TESK2: variants seen among roughly 807,000 people sequenced by gnomAD.
TESK2 encodes dual specificity testis-specific protein kinase 2.
A neutral mutation model predicts 57.1 loss-of-function variants in TESK2; 39 were observed. The observed-to-expected ratio is 0.68, with a 90% CI of 0.53 to 0.89. The LOEUF (loss-of-function observed/expected upper bound fraction) is 0.89. TESK2 is among the 40% of genes least tolerant of loss of function. The pLI is 0.00. For missense variants in TESK2, 646 were observed against 732.1 expected (o/e 0.88, Z 1.36); for synonymous variants, 249 against 267.9 (o/e 0.93, Z 0.69).
chr1:45,463,411 T>G (rs766710972), intron 1 of TESK2, among the ~76,000 whole-genome samples: 1 of 152,176 alleles, frequency 6.6e-6, no homozygotes, highest in African/African-American at 2.4e-5. Flanking sequence ...GATTTTTGAT[T>G]AGGTTTTTCT....
chr1:45,456,196 A>AC (rs1652081384), intron 2 of TESK2, among the ~76,000 whole-genome samples: 1 of 149,418 alleles, frequency 6.7e-6, no homozygotes. Flanking sequence ...ACCCTGTCTC[A>AC]AAAAATAAAA....
chr1:45,397,018 C>T (rs957558626), intron 3 of TESK2, among the ~76,000 whole-genome samples: 6 of 151,514 alleles, frequency 4.0e-5, no homozygotes, highest in Admixed American at 2.0e-4. Flanking sequence ...AGCATTTTAC[C>T]ATGTTGGCCA....
chr1:45,410,441 T>TA (rs1649993695), intron 3 of TESK2, among the ~76,000 whole-genome samples: 1 of 151,730 alleles, frequency 6.6e-6, no homozygotes, highest in South Asian at 2.1e-4. Flanking sequence ...CTGTTTCTCC[T>TA]AAAAATACAA....
At chr1:45,436,477 C>A (rs918603853) in intron 2 of TESK2, among the ~76,000 whole-genome samples, 3 of 88,762 alleles carry the variant, frequency 3.4e-5, no homozygotes, top group Non-Finnish European at 6.4e-5. Context: ...CCGTGCCTGG[C>A]CTTTTTTTTT....
chr1:45,407,145 G>A lies in TESK2; in HGVS notation c.344+14580C>T, dbSNP rs79886718. Among the ~76,000 whole-genome samples the A allele has an allele frequency of 3.4e-3, 525 of 152,294 alleles. 7 individuals are homozygous for A. The highest frequency in any genetic ancestry group is 0.031 in the East Asian group (162 of 5,182). On this transcript the variant is annotated intron_variant, in intron 3 of 10. Transcript: ENST00000372086. The stretch of plus-strand genomic sequence containing the variant: ...CTGTCACACAGGCTAGAGTGCAGCG[G>A]TGTGATTACAGCTCACTGAAACCTT...
rs34109075 is a variant in TESK2, at chr1:45,388,717, C to CTTTTT, written c.345-2762_345-2758dup. Among the ~76,000 whole-genome samples the CTTTTT allele has an allele frequency of 3.2e-4, 33 of 102,750 alleles. 3 individuals are homozygous for CTTTTT. Among genetic ancestry groups the CTTTTT allele is most frequent in the African/African-American group, 4.6e-4 (13 of 28,026 alleles). 67.4% of individuals were successfully genotyped at this position (102,750 alleles called of 152,430 possible). On this transcript the variant is annotated intron_variant, in intron 3 of 10. Transcript: ENST00000372086. ...AACGTGGCAGTATTGAGAGGTACGG[C>CTTTTT]TTTTTTTTTTTTTTTTTTTTTGAGA...
chr1:45,346,825 C>T (rs778520840), intron 8 of TESK2, 46 bp from the exon 9 acceptor site: 7 of 1,581,028 alleles, frequency 4.4e-6, no homozygotes, highest in Non-Finnish European at 6.1e-6. Context: ...CATTAATCCC[C>T]CCACCCATCC....
At chr1:45,369,900 T>TG (rs1648105971) in intron 4 of TESK2, among the ~76,000 whole-genome samples, 1 of 151,788 alleles carries the variant, frequency 6.6e-6, no homozygotes, top group African/African-American at 2.4e-5. Context: ...TTAGTAGAGA[T>TG]GGGGGTTTCA....
At chr1:45,391,010 C>T (rs1199764667) in intron 3 of TESK2, among the ~76,000 whole-genome samples, 19 of 151,432 alleles carry the variant, frequency 1.3e-4, no homozygotes, top group African/African-American at 4.6e-4. Context: ...CTCTGCCTCC[C>T]GGGTTCATGC....
intron 2 of TESK2, among the ~76,000 whole-genome samples, chr1:45,430,436 A>G (rs778101378): frequency 6.6e-6 from 1 of 152,202 alleles, no homozygotes; most frequent in Non-Finnish European, 1.5e-5. Flanking sequence ...GGCTACAGTG[A>G]GCCATGATCA....
intron 1 of TESK2, among the ~76,000 whole-genome samples, chr1:45,460,468 C>A (rs1299601772): frequency 1.3e-5 from 2 of 151,846 alleles, no homozygotes; most frequent in Admixed American, 6.6e-5. Flanking sequence ...TGCAGTGAGC[C>A]GAGATCATGC....
At chr1:45,394,323 C>CT (rs35459050) in intron 3 of TESK2, among the ~76,000 whole-genome samples, 4,582 of 115,010 alleles carry the variant, frequency 0.04, 391 homozygotes, top group African/African-American at 0.13. Context: ...CCACAGCTGG[C>CT]TTTTTTTTTT....
chr1:45,345,878 CCTGGCTGTGGG>C lies in TESK2; in HGVS notation c.985_995del (p.Pro329GlyfsTer17). The C allele has an allele frequency of 6.2e-7, 1 of 1,613,338 alleles. No homozygotes were observed. Among genetic ancestry groups the C allele is most frequent in the Non-Finnish European group, 8.5e-7 (1 of 1,179,490 alleles). On this transcript the variant is annotated frameshift_variant and splice_region_variant, in exon 10 of 11. Transcript: ENST00000372086. LOFTEE classifies it high-confidence loss of function. ...GGGCTCCCTGGTCTAATCTCTTACC[CCTGGCTGTGGG>C]CTGCAGCTTCCTATCCCTCTCCTGC... is the stretch of plus-strand genomic sequence containing the variant.
At position 45,377,039 on chromosome 1, in the gene TESK2, G is replaced by C. The variant is rs531466030; in HGVS notation, c.393+8873C>G. ...GTTCGAGACCAGCCTGGGTGATATA[G>C]TGAGACTCCATCTCTACAAAAAATG... On this transcript the variant is annotated intron_variant, in intron 4 of 10. Coordinates refer to ENST00000372086, the MANE Select transcript of TESK2 (RefSeq NM_007170.3). 2.0e-5 allele frequency among the ~76,000 whole-genome samples: 3 copies of C among 152,114 alleles called. No homozygotes were observed. In the South Asian group the frequency reaches 6.2e-4, roughly 32 times the overall value.
chr1:45,487,462 C>T (rs1048161267), intron 1 of TESK2, among the ~76,000 whole-genome samples: 6 of 152,236 alleles, frequency 3.9e-5, no homozygotes, highest in African/African-American at 1.4e-4. Flanking sequence ...ACATATTCAA[C>T]ACAGCCCCCT....
At chr1:45,405,391 A>G (rs1442662208) in intron 3 of TESK2, among the ~76,000 whole-genome samples, 2 of 152,108 alleles carry the variant, frequency 1.3e-5, no homozygotes, top group African/African-American at 2.4e-5. Context: ...TGAAATAAAA[A>G]ATGAATAAAT....
chr1:45,465,981 GA>G (rs1425623402), intron 1 of TESK2, among the ~76,000 whole-genome samples: 1 of 151,802 alleles, frequency 6.6e-6, no homozygotes, highest in Admixed American at 6.6e-5. Context: ...AGAAGTTACT[GA>G]AAAAAAATTG....
intron 4 of TESK2, among the ~76,000 whole-genome samples, chr1:45,383,651 C>T (rs776274246): frequency 8.5e-5 from 13 of 152,294 alleles, no homozygotes; most frequent in South Asian, 4.1e-4. Context: ...TCTTCTCTGT[C>T]GGCAAAATTA....
chr1:45,442,445 G>T (rs1651483444), intron 2 of TESK2, among the ~76,000 whole-genome samples: 1 of 152,108 alleles, frequency 6.6e-6, no homozygotes, highest in South Asian at 2.1e-4. Flanking sequence ...TTTCTTACAA[G>T]ATTTCAAGGA....
Sources: gnomAD v4.1 joint callset for allele counts (sites outside exome capture counted in the v4.1 genomes callset) on GRCh38, gnomAD v4.1.1 for gene constraint, MANE v1.5 for transcripts, NCBI Gene and HGNC (gene_info 2026-07-23, HGNC 2026-07-21) for gene names.